NBAS: variants seen among roughly 807,000 people sequenced by gnomAD.
NBAS encodes NBAS subunit of NRZ tethering complex.
In NBAS, 219 loss-of-function variants were observed where a neutral mutation model predicts 302.5. The observed-to-expected ratio is 0.72, with a 90% CI of 0.65 to 0.81. The LOEUF is 0.81. Ranked by LOEUF, NBAS falls within the 30% of genes least tolerant of loss-of-function variation. The pLI is 0.00. For missense variants in NBAS, 2,932 were observed against 2,841.6 expected, an observed-to-expected ratio of 1.03 and a Z score of -0.72; for synonymous variants, 1,118 against 1,021.6, an observed-to-expected ratio of 1.09 and a Z score of -1.80.
intron 9 of NBAS, among the ~76,000 whole-genome samples, chr2:15,527,700 T>G (rs1022862361): frequency 6.6e-6 from 1 of 152,200 alleles, no homozygotes; most frequent in Non-Finnish European, 1.5e-5. Flanking sequence ...ACATGGATTT[T>G]GGAGGGCAGA....
the NBAS span, among the ~76,000 whole-genome samples, chr2:14,988,371 C>T: frequency 6.6e-6 from 1 of 152,086 alleles, no homozygotes; most frequent in Admixed American, 6.5e-5. Context: ...ATAAACAGAC[C>T]CATCTACTAA....
chr2:15,133,983 C>T, the NBAS span, among the ~76,000 whole-genome samples: 1 of 152,000 alleles, frequency 6.6e-6, no homozygotes, highest in African/African-American at 2.4e-5. Context: ...GAGACATCCC[C>T]ACTTCCATGC....
the NBAS span, among the ~76,000 whole-genome samples, chr2:15,047,063 G>A: frequency 3.9e-5 from 6 of 152,230 alleles, no homozygotes; most frequent in Non-Finnish European, 8.8e-5. Flanking sequence ...TCCTAAAGAT[G>A]AGTCTTTCAA....
chr2:15,034,252 G>GAAAGAAAGAAA, the NBAS span, among the ~76,000 whole-genome samples: 8 of 94,352 alleles, frequency 8.5e-5, no homozygotes, highest in East Asian at 1.5e-3. Flanking sequence ...AAGAAAGAAA[G>GAAAGAAAGAAA]AAAGAAAGAA....
In NBAS at chr2:15,470,821, G is replaced by A. The variant is rs752190352; in HGVS notation, c.1726-2288C>T. On this transcript the variant is annotated intron_variant, in intron 16 of 51. Coordinates refer to ENST00000281513, the MANE Select transcript of NBAS (RefSeq NM_015909.4). Reference sequence around the variant, plus strand: ...CTAAAAATACAAAAATTAGCCAGGTGTGGTGTTGTGTGCCTGTAGTCCCAA... The same window carrying A: ...CTAAAAATACAAAAATTAGCCAGGTATGGTGTTGTGTGCCTGTAGTCCCAA... Among the ~76,000 whole-genome samples the A allele has an allele frequency of 3.2e-4, 49 of 152,118 alleles. 1 individual carries two copies. The highest frequency in any genetic ancestry group is 3.0e-3 in the Admixed American group (46 of 15,264).
the NBAS span, among the ~76,000 whole-genome samples, chr2:15,079,691 C>T: frequency 3.9e-5 from 6 of 152,134 alleles, 1 homozygote; most frequent in Admixed American, 6.5e-5. Flanking sequence ...CCACGATGTT[C>T]TTGGAAGATG....
At chr2:15,132,691 T>C in the NBAS span, among the ~76,000 whole-genome samples, 2 of 152,022 alleles carry the variant, frequency 1.3e-5, no homozygotes, top group Admixed American at 6.5e-5. Flanking sequence ...CGGCAGGGGG[T>C]AAACAGGTAC....
chr2:15,192,585 T>C (rs1000268006), intron 48 of NBAS, among the ~76,000 whole-genome samples: 1 of 152,214 alleles, frequency 6.6e-6, no homozygotes, highest in Non-Finnish European at 1.5e-5. Flanking sequence ...TTTGTGACTG[T>C]TAAGTGATTT....
chr2:15,189,926 A>G (rs1665267242), intron 49 of NBAS, among the ~76,000 whole-genome samples: 1 of 152,190 alleles, frequency 6.6e-6, no homozygotes, highest in Admixed American at 6.5e-5. Flanking sequence ...CATTTATTCC[A>G]TTTGGATTCT....
intron 48 of NBAS, among the ~76,000 whole-genome samples, chr2:15,212,452 C>T (rs923771772): frequency 6.6e-6 from 1 of 152,204 alleles, no homozygotes; most frequent in Non-Finnish European, 1.5e-5. Context: ...ACCAGCTGGG[C>T]TGAACTCAGT....
At chr2:14,962,295 C>A in the NBAS span, among the ~76,000 whole-genome samples, 15 of 152,276 alleles carry the variant, frequency 9.9e-5, 1 homozygote, top group African/African-American at 3.6e-4. Flanking sequence ...AGAATAACCA[C>A]CACCACGGAC....
At chr2:14,877,139 C>G in the NBAS span, among the ~76,000 whole-genome samples, 3 of 152,184 alleles carry the variant, frequency 2.0e-5, no homozygotes, top group Non-Finnish European at 2.9e-5. Context: ...GTTTCCCTGC[C>G]TTTTGACTTA....
intron 44 of NBAS, among the ~76,000 whole-genome samples, chr2:15,263,121 A>T (rs183232172): frequency 2.0e-4 from 30 of 152,174 alleles, no homozygotes; most frequent in African/African-American, 7.2e-4. Context: ...CCTTTCTCCA[A>T]TCATCACAAA....
chr2:15,312,854 C>G (rs1671341413), intron 38 of NBAS, among the ~76,000 whole-genome samples: 1 of 152,138 alleles, frequency 6.6e-6, no homozygotes, highest in Admixed American at 6.5e-5. Flanking sequence ...GAATAATTTC[C>G]AAAGAACTCT....
the NBAS span, among the ~76,000 whole-genome samples, chr2:15,060,672 T>G: frequency 0.011 from 1,621 of 152,088 alleles, 34 homozygotes; most frequent in African/African-American, 0.037. Flanking sequence ...AAGGGGAAAC[T>G]GAGGATCCTA....
At chr2:15,282,469 C>T (rs753443927) in intron 42 of NBAS, among the ~76,000 whole-genome samples, 1 of 152,148 alleles carries the variant, frequency 6.6e-6, no homozygotes, top group Non-Finnish European at 1.5e-5. Context: ...CTTACCCATT[C>T]TTGCATCTGG....
At chr2:15,021,239 T>TAAAAAA in the NBAS span, among the ~76,000 whole-genome samples, 6 of 148,900 alleles carry the variant, frequency 4.0e-5, no homozygotes, top group African/African-American at 1.5e-4. Flanking sequence ...AGACCTTGTC[T>TAAAAAA]AAAAAAAAAA....
the NBAS span, among the ~76,000 whole-genome samples, chr2:15,018,610 A>G: frequency 1.3e-5 from 2 of 151,856 alleles, no homozygotes; most frequent in Non-Finnish European, 2.9e-5. Flanking sequence ...TCTAAAATAA[A>G]AAGTTGTTTT....
intron 51 of NBAS, among the ~76,000 whole-genome samples, chr2:15,171,674 G>A (rs1275818528): frequency 6.6e-6 from 1 of 152,098 alleles, no homozygotes; most frequent in East Asian, 1.9e-4. Context: ...GCACAAATTC[G>A]TATGTCGAAG....
Sources: gnomAD v4.1 joint callset for allele counts (sites outside exome capture counted in the v4.1 genomes callset) on GRCh38, gnomAD v4.1.1 for gene constraint, MANE v1.5 for transcripts, NCBI Gene and HGNC (gene_info 2026-07-23, HGNC 2026-07-21) for gene names.